Variants in FAM135B observed in about 807,000 individuals in gnomAD.
The protein encoded by FAM135B is protein FAM135B.
A neutral mutation model predicts 127.7 loss-of-function variants in FAM135B; 43 were observed. That is an observed-to-expected ratio of 0.34 (90% CI 0.26 to 0.43). FAM135B has a LOEUF of 0.43. FAM135B is among the 20% of genes least tolerant of loss of function. The pLI, the probability that FAM135B is intolerant of heterozygous loss-of-function variation, is 1.00. For missense variants in FAM135B, 1,558 were observed against 1,725.6 expected (o/e 0.90, Z 1.72); for synonymous variants, 670 against 665.1 (o/e 1.01, Z -0.11).
intron 1 of FAM135B, among the ~76,000 whole-genome samples, chr8:138,494,743 G>A (rs1272613050): frequency 6.6e-6 from 1 of 151,900 alleles, no homozygotes; most frequent in Non-Finnish European, 1.5e-5. Context: ...ACAGAGCAGA[G>A]TTGGATGAAA....
At chr8:138,342,197 C>A (rs966885710) in intron 2 of FAM135B, among the ~76,000 whole-genome samples, 20 of 152,128 alleles carry the variant, frequency 1.3e-4, no homozygotes, top group African/African-American at 4.6e-4. Context: ...GAGATTAAAC[C>A]AACCCTTCAG....
chr8:138,312,873 C>A (rs1486832908), intron 2 of FAM135B, among the ~76,000 whole-genome samples: 1 of 152,132 alleles, frequency 6.6e-6, no homozygotes, highest in African/African-American at 2.4e-5. Flanking sequence ...CCCACCACCC[C>A]GCAGTAATGA....
In FAM135B at chr8:138,132,303, C is replaced by T. The variant is rs1018617840; in HGVS notation, c.*290G>A. 1.1e-4 allele frequency: 39 copies of T among 341,544 alleles called. No individual in the cohort carries two copies. The highest frequency in any genetic ancestry group is 5.9e-4 in the African/African-American group (28 of 47,446). The allele number at this position is 341,544 out of a possible 1,614,324, so 21.2% of individuals were successfully genotyped here. ...GTAGTGGCTAGCAAGGGGAGCTCAC[C>T]AACTCCCAAGTATTCTGTTTATTCT... On this transcript the variant is annotated 3_prime_UTR_variant, in exon 20 of 20. Coordinates refer to ENST00000395297, the MANE Select transcript of FAM135B (RefSeq NM_015912.4). This position sits in a 1 kb window ranked among gnomAD's most constrained non-coding sequence, Gnocchi z 4.5.
At chr8:138,314,744 A>T (rs1826948941) in intron 2 of FAM135B, among the ~76,000 whole-genome samples, 1 of 59,534 alleles carries the variant, frequency 1.7e-5, no homozygotes, top group Non-Finnish European at 4.0e-5. Flanking sequence ...GTGGTGGCAG[A>T]TGCCTGTAGT....
At chr8:138,194,401 T>C (rs947365950) in intron 9 of FAM135B, among the ~76,000 whole-genome samples, 1 of 152,220 alleles carries the variant, frequency 6.6e-6, no homozygotes, top group Admixed American at 6.5e-5. Flanking sequence ...GCAGGGGTGC[T>C]CAACCCTGGC....
At chr8:138,493,629 C>T (rs1815282274) in intron 1 of FAM135B, among the ~76,000 whole-genome samples, 1 of 152,218 alleles carries the variant, frequency 6.6e-6, no homozygotes, top group African/African-American at 2.4e-5. Flanking sequence ...TCACACAGAG[C>T]TAGTAAGTGA....
At chr8:138,147,524 G>A (rs1422201551) in intron 14 of FAM135B, among the ~76,000 whole-genome samples, 5 of 152,042 alleles carry the variant, frequency 3.3e-5, no homozygotes, top group South Asian at 2.1e-4. Context: ...AATGTGCTCC[G>A]CTCTCTGTTA....
intron 1 of FAM135B, among the ~76,000 whole-genome samples, chr8:138,415,858 TG>T (rs1209288953): frequency 2.6e-5 from 4 of 152,198 alleles, no homozygotes; most frequent in Admixed American, 1.3e-4. Context: ...ATGTTTCACA[TG>T]GTTATGTGTT....
chr8:138,350,312 A>C (rs928829260), intron 2 of FAM135B, among the ~76,000 whole-genome samples: 1 of 152,216 alleles, frequency 6.6e-6, no homozygotes, highest in Non-Finnish European at 1.5e-5. Flanking sequence ...GTTATTCAAA[A>C]GGAGGCCAAT....
At chr8:138,381,378 C>T (rs1431529429) in intron 1 of FAM135B, among the ~76,000 whole-genome samples, 1 of 152,158 alleles carries the variant, frequency 6.6e-6, no homozygotes, top group African/African-American at 2.4e-5. Context: ...AATGTCCAAT[C>T]TAGCTTTTCC....
intron 2 of FAM135B, among the ~76,000 whole-genome samples, chr8:138,356,367 G>C (rs1230298894): frequency 6.6e-6 from 1 of 152,030 alleles, no homozygotes; most frequent in Non-Finnish European, 1.5e-5. Context: ...CTTTCAAGTG[G>C]CCACTTGCAG....
At chr8:138,258,027 C>A (rs10283182) in intron 4 of FAM135B, among the ~76,000 whole-genome samples, 70 of 152,068 alleles carry the variant, frequency 4.6e-4, no homozygotes, top group African/African-American at 1.5e-3. Flanking sequence ...TTCACTGACA[C>A]GCATTTGGCC....
At chr8:138,149,135 A>AT (rs1817904922) in intron 13 of FAM135B, among the ~76,000 whole-genome samples, 1 of 79,288 alleles carries the variant, frequency 1.3e-5, no homozygotes, top group Non-Finnish European at 2.6e-5. Context: ...ATAATAATAA[A>AT]AAAATAAATA....
At chr8:138,491,167 A>AAAAAAAAAAAAAAAC (rs1564040507) in intron 1 of FAM135B, among the ~76,000 whole-genome samples, 3 of 151,320 alleles carry the variant, frequency 2.0e-5, no homozygotes, top group African/African-American at 7.3e-5. Context: ...AAAGAAAGAA[A>AAAAAAAAAAAAAAAC]GAAAGAAAGA....
rs541882436 is a variant in FAM135B, at chr8:138,252,011, C to T, written c.369-997G>A. The stretch of plus-strand genomic sequence containing the variant: ...TTCCTTGAAACCCTTGTTCCTTGTG[C>T]GCAAACAAAGGCCAAGTGAAATAGC... On this transcript the variant is annotated intron_variant, in intron 5 of 19. Coordinates refer to ENST00000395297, the MANE Select transcript of FAM135B (RefSeq NM_015912.4). Among the ~76,000 whole-genome samples, 20 of 152,280 alleles carry T rather than the reference C, an allele frequency of 1.3e-4. 1 individual carries two copies. The highest frequency in any genetic ancestry group is 2.1e-4 in the South Asian group (1 of 4,830).
At chr8:138,306,584 CT>C (rs11286136) in intron 3 of FAM135B, among the ~76,000 whole-genome samples, 103,028 of 114,788 alleles carry the variant, frequency 0.9, 45,985 homozygotes, top group Middle Eastern at 0.95. Flanking sequence ...GTGTATCATT[CT>C]TTTTTTTTTT....
intron 1 of FAM135B, among the ~76,000 whole-genome samples, chr8:138,431,327 C>T (rs1424670060): frequency 6.6e-6 from 1 of 152,148 alleles, no homozygotes; most frequent in Non-Finnish European, 1.5e-5. Context: ...TAAATAATTT[C>T]TCATAATATG....
At chr8:138,177,883 T>A (rs1814627124) in intron 10 of FAM135B, among the ~76,000 whole-genome samples, 1 of 152,228 alleles carries the variant, frequency 6.6e-6, no homozygotes, top group Non-Finnish European at 1.5e-5. Flanking sequence ...TAGTTATGCA[T>A]CAGCACCTAC....
intron 1 of FAM135B, among the ~76,000 whole-genome samples, chr8:138,457,573 A>C (rs1255895702): frequency 1.3e-5 from 2 of 152,190 alleles, no homozygotes; most frequent in East Asian, 1.9e-4. Context: ...GGAGCCACTG[A>C]AGGCTTTGCA....
Sources: allele counts gnomAD v4.1 joint callset (sites outside exome capture counted in the v4.1 genomes callset), GRCh38; gene constraint gnomAD v4.1.1; non-coding constraint Gnocchi (gnomAD v3.1); transcripts MANE v1.5; gene names NCBI Gene and HGNC (gene_info 2026-07-23, HGNC 2026-07-21).